Variants in PLCG2 observed in about 807,000 individuals in gnomAD.
PLCG2 encodes the protein 1-phosphatidylinositol 4,5-bisphosphate phosphodiesterase gamma-2.
In PLCG2, 69 loss-of-function variants were observed where a neutral mutation model predicts 175.6. The observed-to-expected ratio is 0.39, with a 90% CI of 0.32 to 0.48. The LOEUF is 0.48. PLCG2 is among the 20% of genes least tolerant of loss of function. The pLI, the probability that PLCG2 is intolerant of heterozygous loss-of-function variation, is 0.91. For missense variants in PLCG2, 1,798 were observed against 1,650.9 expected (o/e 1.09, Z -1.54); for synonymous variants, 827 against 624.0 (o/e 1.33, Z -4.85).
rs149354408 is a variant in PLCG2 at position 81,855,530 on chromosome 16, C to T, written c.337+943C>T. Among the ~76,000 whole-genome samples, 3 of 152,290 alleles carry T rather than the reference C, an allele frequency of 2.0e-5. No homozygotes were observed. The East Asian group carries it at 5.8e-4, about 29-fold the overall frequency. ...TAATTTCTCATTCATTCTTTTACTA[C>T]ATGTCTTTTGAGCCTATACTCTGTG... On this transcript the variant is annotated intron_variant, in intron 3 of 32. Transcript: ENST00000564138.
At chr16:81,920,163 G>C (rs1022650586) in intron 20 of PLCG2, among the ~76,000 whole-genome samples, 2 of 152,222 alleles carry the variant, frequency 1.3e-5, no homozygotes, top group African/African-American at 4.8e-5. Flanking sequence ...GTTCACAGGT[G>C]ACTTATCATG....
chr16:81,792,082 C>T (rs796620350), intron 2 of PLCG2, among the ~76,000 whole-genome samples: 36 of 152,278 alleles, frequency 2.4e-4, no homozygotes, highest in African/African-American at 8.4e-4. Context: ...CTGATGGTGG[C>T]CACCAGCAGC....
intron 5 of PLCG2, among the ~76,000 whole-genome samples, chr16:81,866,460 C>G (rs1276387447): frequency 1.2e-5 from 1 of 80,724 alleles, no homozygotes; most frequent in African/African-American, 3.6e-5. Flanking sequence ...ACGCTAGCCT[C>G]TCCCTTTCTC....
At chr16:81,865,780 C>G (rs202234501) in intron 5 of PLCG2, among the ~76,000 whole-genome samples, 1 of 149,554 alleles carries the variant, frequency 6.7e-6, no homozygotes, top group Non-Finnish European at 1.5e-5. Flanking sequence ...TGGCCTCTCC[C>G]TTGCTCCCAG....
chr16:81,831,496 A>G (rs7190115), intron 2 of PLCG2, among the ~76,000 whole-genome samples: 3,853 of 152,184 alleles, frequency 0.025, 51 homozygotes, highest in Middle Eastern at 0.034. Context: ...GGCCCTCTCT[A>G]TTTGTCTCAG....
rs1255315049 is a variant in PLCG2 at position 81,877,788 on chromosome 16, CTT to C, written c.649-3121_649-3120del. On this transcript the variant is annotated intron_variant, in intron 7 of 32. Coordinates refer to ENST00000564138, the MANE Select transcript of PLCG2 (RefSeq NM_002661.5). ...TAGATGTCATTGCATCGCTCCTTGGCTTGTAGATGTCATTGCATCGCTCCTTG... is the reference window on the plus strand; with the variant it reads ...TAGATGTCATTGCATCGCTCCTTGGCGTAGATGTCATTGCATCGCTCCTTG... Among the ~76,000 whole-genome samples the C allele has an allele frequency of 3.9e-3, 578 of 148,362 alleles. 6 individuals are homozygous for C. Among genetic ancestry groups the C allele is most frequent in the African/African-American group, 0.014 (559 of 40,556 alleles).
At chr16:81,898,340 A>G (rs1255265625) in intron 13 of PLCG2, 1 of 152,946 alleles carries the variant, frequency 6.5e-6, no homozygotes, top group East Asian at 1.9e-4. Flanking sequence ...GTTCATTCGA[A>G]TGGTTCAGAT....
chr16:81,803,558 C>CTTTCCTTTCCTTTCCTTTCCT (rs1555507858), intron 2 of PLCG2, among the ~76,000 whole-genome samples: 6 of 132,474 alleles, frequency 4.5e-5, no homozygotes, highest in Non-Finnish European at 7.8e-5. Context: ...CCTTTCTTTC[C>CTTTCCTTTCCTTTCCTTTCCT]TTCCTTTCCT....
intron 31 of PLCG2, among the ~76,000 whole-genome samples, chr16:81,953,981 G>C (rs1911466923): frequency 1.3e-5 from 2 of 152,188 alleles, no homozygotes; most frequent in South Asian, 4.1e-4. Context: ...AAGGGAAAGA[G>C]AGACCTTTCA....
intron 2 of PLCG2, among the ~76,000 whole-genome samples, chr16:81,836,331 T>C (rs929252612): frequency 6.6e-6 from 1 of 152,212 alleles, no homozygotes; most frequent in Admixed American, 6.5e-5. Flanking sequence ...TTGGCCCACG[T>C]GTCAGCCATG....
In PLCG2 at chr16:81,931,489, AC is replaced by A; in HGVS notation, c.2582-4del. 2 of 1,613,210 alleles carry A rather than the reference AC, an allele frequency of 1.2e-6. No individual in the cohort carries two copies. The highest frequency in any genetic ancestry group is 1.7e-6 in the Non-Finnish European group (2 of 1,179,536). On this transcript the variant is annotated splice_region_variant and splice_polypyrimidine_tract_variant and intron_variant, in intron 24 of 32. Coordinates refer to ENST00000564138, the MANE Select transcript of PLCG2 (RefSeq NM_002661.5). ...TGATTGGGACATTTCTTATTCTCTT[AC>A]CCCAAGTGAAAGCCCCTCAGGGAAA...
intron 2 of PLCG2, among the ~76,000 whole-genome samples, chr16:81,807,515 G>C (rs1418679164): frequency 6.6e-6 from 1 of 152,208 alleles, no homozygotes; most frequent in African/African-American, 2.4e-5. Context: ...GCCACCATAA[G>C]AGCTGACATT....
intron 4 of PLCG2, 134 bp from the exon 5 acceptor site, chr16:81,858,982 C>T: frequency 1.8e-6 from 1 of 567,284 alleles, no homozygotes; most frequent in Non-Finnish European, 3.1e-6. Context: ...CCCAAGCTGC[C>T]CTTGTTAGAA....
chr16:81,867,153 A>C (rs1907281478), intron 5 of PLCG2, among the ~76,000 whole-genome samples: 1 of 152,212 alleles, frequency 6.6e-6, no homozygotes, highest in South Asian at 2.1e-4. Flanking sequence ...CCAGAGTCAC[A>C]CTGGACCGTC....
intron 2 of PLCG2, among the ~76,000 whole-genome samples, chr16:81,847,242 C>T (rs183746244): frequency 3.5e-3 from 540 of 152,308 alleles, no homozygotes; most frequent in Admixed American, 6.7e-3. Context: ...ATGCATAGGG[C>T]ATAGGGTTCC....
In PLCG2 at chr16:81,949,631, C is replaced by G. The variant is rs140068325; in HGVS notation, c.3570+3368C>G. ...TGATTATTTTAGTCAGAAAAGAAAA[C>G]TTTTAGATAGGGAGGTGAAGAGAGG... On this transcript the variant is annotated intron_variant, in intron 31 of 32. Coordinates refer to ENST00000564138, the MANE Select transcript of PLCG2 (RefSeq NM_002661.5). 8.6e-3 allele frequency among the ~76,000 whole-genome samples: 1,311 copies of G among 152,180 alleles called. 23 individuals are homozygous for G. The highest frequency in any genetic ancestry group is 0.03 in the African/African-American group (1,243 of 41,494).
intron 1 of PLCG2, among the ~76,000 whole-genome samples, chr16:81,784,877 G>T (rs1255521860): frequency 1.3e-5 from 2 of 152,126 alleles, no homozygotes; most frequent in Admixed American, 6.5e-5. Flanking sequence ...GTCCTATTTT[G>T]GGGGCAGGCA....
chr16:81,765,817 G>A (rs1037753665), intron 2 of PLCG2, among the ~76,000 whole-genome samples: 8 of 152,092 alleles, frequency 5.3e-5, no homozygotes, highest in African/African-American at 1.7e-4. Context: ...GTTCAGACCC[G>A]ATGCAAAAGC....
intron 20 of PLCG2, among the ~76,000 whole-genome samples, chr16:81,920,608 G>A (rs1910019978): frequency 6.6e-6 from 1 of 152,140 alleles, no homozygotes; most frequent in Admixed American, 6.6e-5. Context: ...GAATGAAGGG[G>A]TGACTCTAGG....
Sources: allele counts gnomAD v4.1 joint callset (sites outside exome capture counted in the v4.1 genomes callset), GRCh38; gene constraint gnomAD v4.1.1; transcripts MANE v1.5; gene names NCBI Gene and HGNC (gene_info 2026-07-23, HGNC 2026-07-21).